Variants in RAPGEF2 observed in about 807,000 individuals in gnomAD.
RAPGEF2 encodes PDZ domain containing guanine nucleotide exchange factor (GEF) 1.
In RAPGEF2, 54 loss-of-function variants were observed where a neutral mutation model predicts 186.7. The observed-to-expected ratio is 0.29, with a 90% confidence interval of 0.23 to 0.36. The LOEUF (loss-of-function observed/expected upper bound fraction) is 0.36. Ranked by LOEUF, RAPGEF2 falls within the 10% of genes least tolerant of loss-of-function variation. RAPGEF2 has a pLI of 1.00. For synonymous variants in RAPGEF2, 712 were observed against 705.9 expected (o/e 1.01, Z -0.14); for missense variants, 1,532 against 2,045.0 (o/e 0.75, Z 4.84).
At chr4:159,153,018 A>C (rs1743731854) in intron 1 of RAPGEF2, among the ~76,000 whole-genome samples, 1 of 152,170 alleles carries the variant, frequency 6.6e-6, no homozygotes, top group Non-Finnish European at 1.5e-5. Context: ...AAGTGTTTAA[A>C]TACTTGCTAT....
intron 1 of RAPGEF2, among the ~76,000 whole-genome samples, chr4:159,144,853 G>A (rs1191207747): frequency 7.6e-6 from 1 of 131,682 alleles, no homozygotes; most frequent in Non-Finnish European, 1.6e-5. Context: ...TAAACAACTT[G>A]CTTCTTAATT....
Position 159,233,398 on chromosome 4 carries a change from G to A in RAPGEF2, c.282-5411G>A, listed in dbSNP as rs573393975. ...AAATCCAGTAATCCCACCACCATTTGTTGAAGACTCTGTTCTTCTCTCATT... is the reference window on the plus strand; with the variant it reads ...AAATCCAGTAATCCCACCACCATTTATTGAAGACTCTGTTCTTCTCTCATT... On this transcript the variant is annotated intron_variant, in intron 4 of 29. Coordinates refer to ENST00000691494, the MANE Select transcript of RAPGEF2 (RefSeq NM_001394067.2). Among the ~76,000 whole-genome samples the A allele has an allele frequency of 3.9e-5, 6 of 152,238 alleles. No homozygotes were observed. In the South Asian group the frequency reaches 1.0e-3, roughly 26 times the overall value.
intron 7 of RAPGEF2, among the ~76,000 whole-genome samples, chr4:159,281,527 C>T (rs1759700168): frequency 1.3e-5 from 2 of 151,006 alleles, no homozygotes; most frequent in South Asian, 4.2e-4. Context: ...AAAAATTAGC[C>T]AGGTGTGGTG....
At chr4:159,121,199 A>T (rs1392941891) in intron 1 of RAPGEF2, among the ~76,000 whole-genome samples, 2 of 152,220 alleles carry the variant, frequency 1.3e-5, no homozygotes, top group East Asian at 3.9e-4. Flanking sequence ...ATTGGAGCTG[A>T]TAAATGTTTA....
chr4:159,281,773 G>A (rs1424501093), intron 7 of RAPGEF2, among the ~76,000 whole-genome samples: 2 of 151,930 alleles, frequency 1.3e-5, no homozygotes, highest in Non-Finnish European at 2.9e-5. Flanking sequence ...TTGTGTGTGT[G>A]ATTTTCTTTA....
At chr4:159,352,100 C>T (rs1038292460) in intron 26 of RAPGEF2, among the ~76,000 whole-genome samples, 2 of 152,214 alleles carry the variant, frequency 1.3e-5, no homozygotes, top group African/African-American at 2.4e-5. Flanking sequence ...TGCCCTTTAA[C>T]TCCTTCAAAA....
chr4:159,284,481 G>GACACAC (rs36232973), intron 7 of RAPGEF2, among the ~76,000 whole-genome samples: 61 of 140,444 alleles, frequency 4.3e-4, no homozygotes, highest in African/African-American at 1.2e-3. Flanking sequence ...CCGCCATGGA[G>GACACAC]ACACACACAC....
At chr4:159,337,451 CT>C (rs1485206030) in intron 17 of RAPGEF2, among the ~76,000 whole-genome samples, 1 of 152,114 alleles carries the variant, frequency 6.6e-6, no homozygotes, top group East Asian at 1.9e-4. Flanking sequence ...TGATGCAGAA[CT>C]ATCAGTTGAG....
Position 159,353,634 on chromosome 4 carries a change from C to T in RAPGEF2, c.4239C>T (p.Cys1413=). The T allele has an allele frequency of 6.3e-7, 1 of 1,595,228 alleles. No individual in the cohort carries two copies. The highest frequency in any genetic ancestry group is 2.2e-5 in the East Asian group (1 of 44,786). The change falls in exon 28 of 30, where the codon TGC becomes TGT. Residue 1413 remains cysteine, a synonymous_variant. Transcript: ENST00000691494. This position sits in a 1 kb window ranked among gnomAD's most constrained non-coding sequence, Gnocchi z 4.3. ...ADSGRGSWTS[C]SSGSHDNIQT... ...GTGGCCGTGGGAGCTGGACGTCATG[C>T]TCAAGTGGCTCCCATGATAATATAC...
At chr4:159,288,642 G>A (rs536537581) in intron 7 of RAPGEF2, among the ~76,000 whole-genome samples, 14 of 152,114 alleles carry the variant, frequency 9.2e-5, no homozygotes, top group African/African-American at 2.4e-4. Context: ...CTACTTTTTG[G>A]TAGGCTTAAT....
At chr4:159,141,592 A>T (rs551947948) in intron 1 of RAPGEF2, among the ~76,000 whole-genome samples, 2 of 142,474 alleles carry the variant, frequency 1.4e-5, no homozygotes, top group South Asian at 4.4e-4. Context: ...GTATATATAT[A>T]TATTTATATA....
chr4:159,148,104 G>A (rs1438856485), intron 1 of RAPGEF2, among the ~76,000 whole-genome samples: 2 of 151,998 alleles, frequency 1.3e-5, no homozygotes, highest in African/African-American at 4.8e-5. Context: ...AGCAAAGATA[G>A]ATTTGATGTT....
intron 1 of RAPGEF2, among the ~76,000 whole-genome samples, chr4:159,114,044 CCTGGG>C (rs1246836853): frequency 2.0e-5 from 3 of 151,822 alleles, no homozygotes; most frequent in Non-Finnish European, 4.4e-5. Context: ...GCAGCCTCGT[CCTGGG>C]CTCAAGGATC....
At chr4:159,322,263 A>G in intron 9 of RAPGEF2, 84 bp from the exon 10 acceptor site, 6 of 1,305,952 alleles carry the variant, frequency 4.6e-6, no homozygotes, top group Non-Finnish European at 6.4e-6. Context: ...GCATTTAAAA[A>G]GAAAGGACCC....
intron 7 of RAPGEF2, among the ~76,000 whole-genome samples, chr4:159,290,453 C>T (rs563084959): frequency 6.6e-6 from 1 of 152,294 alleles, no homozygotes; most frequent in South Asian, 2.1e-4. Flanking sequence ...GATGATACAT[C>T]AGTATGCATA....
At chr4:159,173,536 A>G (rs1424812047) in intron 1 of RAPGEF2, among the ~76,000 whole-genome samples, 1 of 152,172 alleles carries the variant, frequency 6.6e-6, no homozygotes, top group Non-Finnish European at 1.5e-5. Context: ...CCCCCAGCTC[A>G]ACAAGGTTTC....
intron 17 of RAPGEF2, among the ~76,000 whole-genome samples, chr4:159,337,528 AT>A (rs953289582): frequency 7.9e-5 from 12 of 151,378 alleles, no homozygotes; most frequent in Non-Finnish European, 1.5e-4. Context: ...ACTAGAGCTT[AT>A]TTTTTTTTAA....
intron 22 of RAPGEF2, 119 bp downstream of exon 22, chr4:159,343,523 G>A (rs1580020110): frequency 6.1e-6 from 8 of 1,313,606 alleles, no homozygotes; most frequent in Non-Finnish European, 8.4e-6. Flanking sequence ...AGAAATTATA[G>A]TAGGATGTGC....
chr4:159,281,950 A>G (rs1002237770), intron 7 of RAPGEF2, among the ~76,000 whole-genome samples: 3 of 152,210 alleles, frequency 2.0e-5, no homozygotes, highest in African/African-American at 4.8e-5. Flanking sequence ...TGCTCGAGTC[A>G]TTCCTATGTG....
Sources: gnomAD v4.1 joint callset for allele counts (sites outside exome capture counted in the v4.1 genomes callset) on GRCh38, gnomAD v4.1.1 for gene constraint, Gnocchi (gnomAD v3.1) non-coding constraint, MANE v1.5 for transcripts, NCBI Gene and HGNC (gene_info 2026-07-23, HGNC 2026-07-21) for gene names.